The following PNLDC1 variants were observed in gnomAD, a reference collection of about 807,000 sequenced individuals.
PNLDC1 encodes poly(A)-specific ribonuclease PNLDC1.
A neutral mutation model predicts 82.0 loss-of-function variants in PNLDC1; 70 were observed. That is an observed-to-expected ratio of 0.85 (90% CI 0.70 to 1.04). The LOEUF (loss-of-function observed/expected upper bound fraction) is 1.04, where lower values mean the gene tolerates loss of function less well. PNLDC1 is among the 50% of genes least tolerant of loss of function. The pLI, the probability that PNLDC1 is intolerant of heterozygous loss-of-function variation, is 0.00. For synonymous variants in PNLDC1, 280 were observed against 249.3 expected, an observed-to-expected ratio of 1.12 and a Z score of -1.16; for missense variants, 631 against 661.1, an observed-to-expected ratio of 0.95 and a Z score of 0.50.
Position 159,819,255 on chromosome 6 carries a change from G to A in PNLDC1, c.1435G>A (p.Ala479Thr). The A allele has an allele frequency of 6.2e-7, 1 of 1,613,838 alleles. No homozygotes were observed. The highest frequency in any genetic ancestry group is 8.5e-7 in the Non-Finnish European group (1 of 1,180,016). Reference protein sequence around the residue: ...FLLLTNKFKDARNILKEYRDH... With the variant: ...FLLLTNKFKDTRNILKEYRDH... ...ACCACAGCAAACTTGTTTTGGCAGT[G>A]CGCGGAACATCCTGAAGGAGTACCG... is the stretch of plus-strand genomic sequence containing the variant. The change falls in exon 18 of 19, where the codon GCG (alanine) becomes ACG (threonine). Residue 479 changes from alanine (A) to threonine (T), a missense_variant and splice_region_variant. Ala to Thr is a moderately conservative substitution (Grantham distance 58). Transcript: ENST00000392167. The surrounding 1 kb of genome is among the most constrained non-coding windows in gnomAD (Gnocchi z 4.6).
At chr6:159,800,532 C>A (rs372702166) in intron 1 of PNLDC1, 149 bp downstream of exon 1, 1 of 1,302,542 alleles carries the variant, frequency 7.7e-7, no homozygotes, top group Non-Finnish European at 1.1e-6. Context: ...AGCCCCGGGG[C>A]GGTGGGACTT....
chr6:159,819,010 G>A lies in PNLDC1; in HGVS notation c.1322G>A (p.Trp441Ter), dbSNP rs1485199700. 1.2e-6 allele frequency: 2 copies of A among 1,614,036 alleles called. No individual in the cohort carries two copies. Among genetic ancestry groups the A allele is most frequent in the Non-Finnish European group, 1.7e-6 (2 of 1,180,006 alleles). Reference sequence around the variant, plus strand: ...ATCCTCATCCTCAGCGTCAAAAGGTGGCCTGGGGTCAGCGAGCAGCAAGTC... The same window carrying A: ...ATCCTCATCCTCAGCGTCAAAAGGTAGCCTGGGGTCAGCGAGCAGCAAGTC... ...PPILILSVKR[W>*]PGVSEQQVYH... Residue 441 changes from tryptophan to a stop codon, truncating the protein, a stop_gained, in exon 17 of 19, where the codon TGG becomes TAG. Transcript: ENST00000392167. LOFTEE classifies it high-confidence loss of function. The surrounding 1 kb of genome is among the most constrained non-coding windows in gnomAD (Gnocchi z 4.6).
In PNLDC1 at chr6:159,820,604, T is replaced by C; in HGVS notation, c.*87T>C. On this transcript the variant is annotated 3_prime_UTR_variant, in exon 19 of 19. Coordinates refer to ENST00000392167, the MANE Select transcript of PNLDC1 (RefSeq NM_001271862.2). ...TGTGTTCGTGTAAATCAGATTCTGTTTGCAGATGGATCTGTTTGGTCTTTT... is the reference window on the plus strand; with the variant it reads ...TGTGTTCGTGTAAATCAGATTCTGTCTGCAGATGGATCTGTTTGGTCTTTT... 7.9e-7 allele frequency: 1 copy of C among 1,270,354 alleles called. No homozygotes were observed. The highest frequency in any genetic ancestry group is 1.2e-5 in the South Asian group (1 of 84,114). 78.7% of individuals were successfully genotyped at this position (1,270,354 alleles called of 1,614,324 possible).
chr6:159,804,712 G>A (rs1781385668), intron 6 of PNLDC1, 75 bp downstream of exon 6: 20 of 1,108,648 alleles, frequency 1.8e-5, no homozygotes, highest in South Asian at 1.2e-4. Context: ...CGGGCGTGCC[G>A]TTTCCAGGAG....
At chr6:159,801,078 A>G (rs1781234801) in intron 2 of PNLDC1, 35 bp from the exon 3 acceptor site, 2 of 1,609,962 alleles carry the variant, frequency 1.2e-6, no homozygotes, top group African/African-American at 1.3e-5. Context: ...ATGGGATGTC[A>G]TTGCTCGTGG....
chr6:159,803,986 C>T lies in PNLDC1; in HGVS notation c.270C>T (p.Asn90=), dbSNP rs780031664. 1.2e-5 allele frequency: 20 copies of T among 1,613,338 alleles called. No individual in the cohort carries two copies. Among genetic ancestry groups the T allele is most frequent in the Non-Finnish European group, 1.7e-5 (20 of 1,179,392 alleles). The change falls in exon 5 of 19, where the codon AAC becomes AAT. Residue 90 remains asparagine, a synonymous_variant. Coordinates refer to ENST00000392167, the MANE Select transcript of PNLDC1 (RefSeq NM_001271862.2). ...ATAGGTATATAGCCCATTCTTGTAACTTCTATCTCTTCCCTACAACGTTTG... is the reference window on the plus strand; with the variant it reads ...ATAGGTATATAGCCCATTCTTGTAATTTCTATCTCTTCCCTACAACGTTTG... ...EANKYIAHSC[N]FYLFPTTFGI... is the part of the protein sequence containing the mutation.
intron 12 of PNLDC1, 78 bp downstream of exon 12, chr6:159,813,734 C>T (rs989689662): frequency 7.7e-7 from 1 of 1,293,882 alleles, no homozygotes; most frequent in African/African-American, 1.5e-5. Flanking sequence ...TTTGGGCTCT[C>T]TAGGCGTGCC....
chr6:159,806,143 A>G, intron 7 of PNLDC1, 60 bp downstream of exon 7: 6 of 1,324,446 alleles, frequency 4.5e-6, no homozygotes, highest in Non-Finnish European at 6.5e-6. Context: ...GTCACCTGCC[A>G]GGAGTTGGGG....
intron 11 of PNLDC1, among the ~76,000 whole-genome samples, chr6:159,812,117 G>T (rs149823288): frequency 0.027 from 4,093 of 152,180 alleles, 81 homozygotes; most frequent in Non-Finnish European, 0.043. Context: ...AGCCAGGATC[G>T]TCTTGATCTC....
chr6:159,805,258 C>A (rs1035702784), intron 6 of PNLDC1, among the ~76,000 whole-genome samples: 1 of 152,158 alleles, frequency 6.6e-6, no homozygotes, highest in Admixed American at 6.6e-5. Flanking sequence ...TGTGGGTAGA[C>A]GGACCGGGGG....
chr6:159,812,457 G>T (rs1160154142), intron 11 of PNLDC1, among the ~76,000 whole-genome samples: 1 of 12,962 alleles, frequency 7.7e-5, no homozygotes, highest in East Asian at 1.1e-3. Flanking sequence ...ACAGAGCACT[G>T]GGGGGGAGGG....
chr6:159,816,724 C>G (rs1781846416), intron 14 of PNLDC1, 128 bp downstream of exon 14: 2 of 821,636 alleles, frequency 2.4e-6, no homozygotes, highest in Non-Finnish European at 4.0e-6. Context: ...CCTCTACCTC[C>G]TGGGCTCAGG....
chr6:159,820,498 T>C lies in PNLDC1; in HGVS notation c.1577T>C (p.Leu526Pro). Reference protein sequence around the residue: ...VTAWALLAFILGRSGT With the variant: ...VTAWALLAFIPGRSGT ...GCCTGGGCCCTTCTCGCGTTCATCC[T>C]TGGAAGATCTGGTACCTGAGTGCAG... Residue 526 changes from leucine to proline, a missense_variant, in exon 19 of 19, where the codon CTT becomes CCT. Coordinates refer to ENST00000392167, the MANE Select transcript of PNLDC1 (RefSeq NM_001271862.2). The C allele has an allele frequency of 6.2e-7, 1 of 1,614,172 alleles. No homozygotes were observed. The highest frequency in any genetic ancestry group is 8.5e-7 in the Non-Finnish European group (1 of 1,180,026).
chr6:159,803,712 C>T (rs193015968), intron 4 of PNLDC1, among the ~76,000 whole-genome samples: 85 of 152,272 alleles, frequency 5.6e-4, no homozygotes, highest in African/African-American at 1.4e-3. Flanking sequence ...CCAGCCTGCA[C>T]GCCCTAACCT....
intron 11 of PNLDC1, 54 bp downstream of exon 11, chr6:159,811,840 CTT>C (rs1331152261): frequency 4.7e-6 from 6 of 1,263,734 alleles, no homozygotes; most frequent in Non-Finnish European, 6.8e-6. Flanking sequence ...ACCAGTAACA[CTT>C]AGCTTTCTCT....
intron 10 of PNLDC1, among the ~76,000 whole-genome samples, chr6:159,810,673 G>T (rs138839061): frequency 6.6e-6 from 1 of 152,168 alleles, no homozygotes; most frequent in Non-Finnish European, 1.5e-5. Context: ...CACTACGTGC[G>T]TAGTCTCCAG....
intron 15 of PNLDC1, among the ~76,000 whole-genome samples, chr6:159,818,130 G>A (rs1472386528): frequency 6.6e-6 from 1 of 152,214 alleles, no homozygotes; most frequent in African/African-American, 2.4e-5. Context: ...CTGCGCTCAG[G>A]TGTGTGTGCT....
At chr6:159,803,407 C>A in intron 4 of PNLDC1, 97 bp downstream of exon 4, 1 of 1,123,692 alleles carries the variant, frequency 8.9e-7, no homozygotes. Context: ...ATCACTTTTG[C>A]CCTGGATCTT....
intron 6 of PNLDC1, among the ~76,000 whole-genome samples, chr6:159,804,993 T>G (rs11756745): frequency 0.45 from 69,163 of 152,130 alleles, 17,149 homozygotes; most frequent in Non-Finnish European, 0.55. Context: ...GATGTTATGT[T>G]GATCCCCCAT....
Sources: gnomAD v4.1 joint callset for allele counts (sites outside exome capture counted in the v4.1 genomes callset) on GRCh38, gnomAD v4.1.1 for gene constraint, Gnocchi (gnomAD v3.1) non-coding constraint, MANE v1.5 for transcripts, NCBI Gene and HGNC (gene_info 2026-07-23, HGNC 2026-07-21) for gene names.